The following BRD3 variants were observed in gnomAD, a reference collection of about 807,000 sequenced individuals.
BRD3 encodes bromodomain containing 3.
A neutral mutation model predicts 66.8 loss-of-function variants in BRD3; 17 were observed. The ratio of observed to expected loss-of-function variants is 0.25; its 90% CI spans 0.17 to 0.38. The LOEUF (loss-of-function observed/expected upper bound fraction) is 0.38, where lower values mean the gene tolerates loss of function less well. Among genes scored for constraint, BRD3 ranks in the 10% least tolerant of loss-of-function variants. BRD3 has a pLI of 1.00. For synonymous variants in BRD3, 421 were observed against 393.2 expected (o/e 1.07, Z -0.84); for missense variants, 713 against 956.1 (o/e 0.75, Z 3.35).
chr9:134,062,130 C>T (rs1830556362), intron 1 of BRD3, among the ~76,000 whole-genome samples: 1 of 152,184 alleles, frequency 6.6e-6, no homozygotes, highest in African/African-American at 2.4e-5. Context: ...CTGGAGGAGC[C>T]CTGGGGAGGG....
In BRD3 at chr9:134,045,323, G is replaced by A. The variant is rs145953326; in HGVS notation, c.1185C>T (p.His395=). ...GCTTCCGGGCCATGGCCACAACCTCGTGGTCTGGGGGATTGTATTTGTAGC... is the reference window on the plus strand; with the variant it reads ...GCTTCCGGGCCATGGCCACAACCTCATGGTCTGGGGGATTGTATTTGTAGC... ...SNCYKYNPPD[H]EVVAMARKLQ... is the part of the protein sequence containing the mutation. Residue 395 remains histidine, a synonymous_variant, in exon 7 of 12, where the codon CAC becomes CAT. Transcript: ENST00000303407. The surrounding 1 kb of genome is among the most constrained non-coding windows in gnomAD (Gnocchi z 4.8). 556 of 1,613,572 alleles carry A rather than the reference G, an allele frequency of 3.4e-4. 1 individual carries two copies. In the Middle Eastern group the frequency reaches 6.4e-3, roughly 19 times the overall value.
chr9:134,049,209 G>T (rs1210280227), intron 5 of BRD3, among the ~76,000 whole-genome samples: 1 of 152,166 alleles, frequency 6.6e-6, no homozygotes, highest in Non-Finnish European at 1.5e-5. Context: ...CCTCCTGGGG[G>T]TGTGCAGGTC....
chr9:134,040,837 C>T (rs1830028340), intron 8 of BRD3, among the ~76,000 whole-genome samples: 2 of 152,242 alleles, frequency 1.3e-5, no homozygotes, highest in Non-Finnish European at 2.9e-5. Context: ...CCACTGCCAG[C>T]AACCAGCATT....
chr9:134,061,233 G>A (rs1830538630), intron 1 of BRD3, among the ~76,000 whole-genome samples: 1 of 152,246 alleles, frequency 6.6e-6, no homozygotes, highest in South Asian at 2.1e-4. Flanking sequence ...CACACCCTGG[G>A]GCAAACCAGC....
intron 1 of BRD3, among the ~76,000 whole-genome samples, chr9:134,062,913 G>T (rs1830574710): frequency 6.6e-6 from 1 of 152,194 alleles, no homozygotes; most frequent in Non-Finnish European, 1.5e-5. Context: ...CTCTTAGAGG[G>T]ACACAGCCTC....
At chr9:134,053,644 A>C in intron 1 of BRD3, 54 bp from the exon 2 acceptor site, 2 of 1,411,606 alleles carry the variant, frequency 1.4e-6, no homozygotes, top group Non-Finnish European at 1.8e-6. Flanking sequence ...GGGGACCCCC[A>C]CCTCTCCCAG....
chr9:134,055,547 A>C (rs1239678790), intron 1 of BRD3, among the ~76,000 whole-genome samples: 3 of 152,158 alleles, frequency 2.0e-5, no homozygotes, highest in African/African-American at 4.8e-5. Flanking sequence ...GAGGCTCCTG[A>C]GGGTGGAGGA....
chr9:134,048,236 G>A lies in BRD3; in HGVS notation c.933C>T (p.His311=), dbSNP rs1345654833. 3 of 1,612,224 alleles carry A rather than the reference G, an allele frequency of 1.9e-6. No homozygotes were observed. Among genetic ancestry groups the A allele is most frequent in the African/African-American group, 2.7e-5 (2 of 74,946 alleles). ...HAGKKGKLSE[H]LRYCDSILRE... The stretch of plus-strand genomic sequence containing the variant: ...TGAGGATGCTGTCGCAGTAGCGTAG[G>A]TGCTCCGACAGCTTGCCCTTCTTGC... Residue 311 remains histidine, a synonymous_variant, in exon 6 of 12, where the codon CAC becomes CAT. Coordinates refer to ENST00000303407, the MANE Select transcript of BRD3 (RefSeq NM_007371.4).
intron 1 of BRD3, among the ~76,000 whole-genome samples, chr9:134,054,863 A>T (rs2520094): frequency 0.26 from 39,462 of 151,456 alleles, 6,204 homozygotes; most frequent in East Asian, 0.62. Context: ...CCTGCGTGTA[A>T]CCTCACTTCC....
intron 5 of BRD3, among the ~76,000 whole-genome samples, chr9:134,049,823 G>T (rs541358567): frequency 1.3e-5 from 2 of 152,320 alleles, no homozygotes; most frequent in East Asian, 3.9e-4. Context: ...CCCAAAGCAG[G>T]AGACTCACCA....
intron 1 of BRD3, chr9:134,055,896 A>T (rs7854376): frequency 6.6e-6 from 1 of 152,382 alleles, no homozygotes; most frequent in African/African-American, 2.4e-5. Flanking sequence ...TGCTGCCGTC[A>T]GGATCCCACG....
chr9:134,053,485 C>T lies in BRD3; in HGVS notation c.-8G>A. On this transcript the variant is annotated 5_prime_UTR_variant, in exon 2 of 12. Transcript: ENST00000303407. Reference sequence around the variant, plus strand: ...TGTCGTGGCGGTGGACATCCTCCGGCAGCTCACTCACTTTCTGTCACAGCA... The same window carrying T: ...TGTCGTGGCGGTGGACATCCTCCGGTAGCTCACTCACTTTCTGTCACAGCA... 2 of 1,582,202 alleles carry T rather than the reference C, an allele frequency of 1.3e-6. No homozygotes were observed. The highest frequency in any genetic ancestry group is 2.3e-5 in the East Asian group (1 of 44,420).
At chr9:134,042,662 CACACACACATAT>C (rs1830076416) in intron 7 of BRD3, among the ~76,000 whole-genome samples, 1 of 147,628 alleles carries the variant, frequency 6.8e-6, no homozygotes, top group Non-Finnish European at 1.5e-5. Flanking sequence ...CACACACACA[CACACACACATAT>C]ATATACACAC....
At position 134,065,016 on chromosome 9, in the gene BRD3, G is replaced by C. The variant is rs1271382812; in HGVS notation, c.-114+2929C>G. Among the ~76,000 whole-genome samples, 4 of 152,248 alleles carry C rather than the reference G, an allele frequency of 2.6e-5. No individual in the cohort carries two copies. In the East Asian group the frequency reaches 7.7e-4, roughly 29 times the overall value. On this transcript the variant is annotated intron_variant, in intron 1 of 11. Transcript: ENST00000303407. ...AAGGGGGCGGAGCCACAGGGGTCGGGAAGGCCCAAGGCAGACCCGCAAGTT... is the reference window on the plus strand; with the variant it reads ...AAGGGGGCGGAGCCACAGGGGTCGGCAAGGCCCAAGGCAGACCCGCAAGTT...
intron 1 of BRD3, among the ~76,000 whole-genome samples, chr9:134,066,412 G>A (rs1016212117): frequency 6.6e-6 from 1 of 152,174 alleles, no homozygotes; most frequent in Non-Finnish European, 1.5e-5. Flanking sequence ...CGGAGGGAGG[G>A]CTCCCTAACC....
intron 8 of BRD3, among the ~76,000 whole-genome samples, chr9:134,040,495 C>T (rs569071146): frequency 2.0e-5 from 3 of 152,236 alleles, no homozygotes; most frequent in Admixed American, 1.3e-4. Flanking sequence ...TGGGGAAGAG[C>T]TGCCTGGCCA....
Position 134,042,550 on chromosome 9 carries a change from T to C in BRD3, c.1216-599A>G, listed in dbSNP as rs112734521. On this transcript the variant is annotated intron_variant, in intron 7 of 11. Transcript: ENST00000303407. ...TGCTCGGGAGGCTGCGATGGGTGGATTGCTTGAACCCAGGAGGTCGAGGCT... is the reference window on the plus strand; with the variant it reads ...TGCTCGGGAGGCTGCGATGGGTGGACTGCTTGAACCCAGGAGGTCGAGGCT... 8.7e-3 allele frequency among the ~76,000 whole-genome samples: 1,328 copies of C among 151,994 alleles called. 27 individuals carry two copies. The highest frequency in any genetic ancestry group is 0.03 in the African/African-American group (1,241 of 41,444).
At chr9:134,055,587 A>G (rs1830403781) in intron 1 of BRD3, among the ~76,000 whole-genome samples, 1 of 152,156 alleles carries the variant, frequency 6.6e-6, no homozygotes, top group Non-Finnish European at 1.5e-5. Context: ...CACGCCAGTT[A>G]TGGGCACCAA....
intron 4 of BRD3, 25 bp downstream of exon 4, chr9:134,051,537 C>G: frequency 6.6e-7 from 1 of 1,509,862 alleles, no homozygotes; most frequent in Non-Finnish European, 8.7e-7. Flanking sequence ...AGGCCCAGCC[C>G]CTCGCCTGCC....
Sources: allele counts gnomAD v4.1 joint callset (sites outside exome capture counted in the v4.1 genomes callset), GRCh38; gene constraint gnomAD v4.1.1; non-coding constraint Gnocchi (gnomAD v3.1); transcripts MANE v1.5; gene names NCBI Gene and HGNC (gene_info 2026-07-23, HGNC 2026-07-21).